Variants in KPNA3 observed in about 807,000 individuals in gnomAD.
The protein encoded by KPNA3 is karyopherin subunit alpha 3.
In KPNA3, 13 loss-of-function variants were observed where a neutral mutation model predicts 73.8. That is an observed-to-expected ratio of 0.18 (90% confidence interval 0.11 to 0.28). KPNA3 has a LOEUF of 0.28. KPNA3 is among the 10% of genes least tolerant of loss of function. The probability of loss-of-function intolerance (pLI) is 1.00; values close to 1 mark genes in which losing one functional copy is unlikely to be tolerated. For synonymous variants in KPNA3, 186 were observed against 206.9 expected, an observed-to-expected ratio of 0.90 and a Z score of 0.87; for missense variants, 360 against 618.1, an observed-to-expected ratio of 0.58 and a Z score of 4.43.
At chr13:49,724,702 T>A (rs1954393592) in intron 7 of KPNA3, among the ~76,000 whole-genome samples, 1 of 152,120 alleles carries the variant, frequency 6.6e-6, no homozygotes, top group South Asian at 2.1e-4. Context: ...GCTCAAGCGA[T>A]CCTCTCGCCT....
At position 49,699,408 on chromosome 13, in the gene KPNA3, G is replaced by C. The variant is rs1283133773; in HGVS notation, c.*2392C>G. 2 of 152,338 alleles carry C rather than the reference G, an allele frequency of 1.3e-5. No individual in the cohort carries two copies. The highest frequency in any genetic ancestry group is 2.9e-5 in the Non-Finnish European group (2 of 68,000). The allele number at this position is 152,338 out of a possible 1,614,324, so 9.4% of individuals were successfully genotyped here. On this transcript the variant is annotated 3_prime_UTR_variant, in exon 17 of 17. Transcript: ENST00000261667. Reference sequence around the variant, plus strand: ...AGGAACACATTTAGATGCCTCTTTTGAAAGAACGTTTTAGTCTTTTTAAAC... The same window carrying C: ...AGGAACACATTTAGATGCCTCTTTTCAAAGAACGTTTTAGTCTTTTTAAAC...
At chr13:49,746,446 C>G (rs1158118877) in intron 2 of KPNA3, among the ~76,000 whole-genome samples, 2 of 151,980 alleles carry the variant, frequency 1.3e-5, no homozygotes, top group African/African-American at 4.8e-5. Context: ...CCACTTCACT[C>G]CAACCTGGAC....
intron 1 of KPNA3, among the ~76,000 whole-genome samples, chr13:49,768,607 T>G (rs1954828768): frequency 6.9e-6 from 1 of 144,086 alleles, no homozygotes; most frequent in African/African-American, 2.6e-5. Context: ...AGCATTCCAT[T>G]AGATATTCCT....
chr13:49,753,026 CAAAAAAAAAA>C (rs71078888), intron 1 of KPNA3, among the ~76,000 whole-genome samples: 4 of 82,204 alleles, frequency 4.9e-5, no homozygotes, highest in Non-Finnish European at 9.0e-5. Flanking sequence ...GACTCTGTCT[CAAAAAAAAAA>C]AAAAAAAAAA....
At chr13:49,781,740 TTC>T (rs1334319189) in intron 1 of KPNA3, among the ~76,000 whole-genome samples, 17 of 152,198 alleles carry the variant, frequency 1.1e-4, no homozygotes, top group African/African-American at 4.1e-4. Flanking sequence ...GTCCAGGACT[TTC>T]TCTGTTTGAA....
At chr13:49,705,939 A>G (rs1211015984) in intron 14 of KPNA3, among the ~76,000 whole-genome samples, 156 bp from the exon 15 acceptor site, 2 of 152,190 alleles carry the variant, frequency 1.3e-5, no homozygotes, top group Admixed American at 6.6e-5. Context: ...TAGCAACTGC[A>G]CTCTAGCCTG....
At chr13:49,764,818 C>T (rs535430780) in intron 1 of KPNA3, among the ~76,000 whole-genome samples, 2 of 151,938 alleles carry the variant, frequency 1.3e-5, no homozygotes, top group African/African-American at 4.8e-5. Flanking sequence ...TTCTCTTTTG[C>T]CAAAATTTTT....
chr13:49,730,312 C>G (rs1183283189), intron 6 of KPNA3, among the ~76,000 whole-genome samples: 1 of 151,818 alleles, frequency 6.6e-6, no homozygotes, highest in Non-Finnish European at 1.5e-5. Context: ...GCAGGAGGAT[C>G]ACCTGATGTC....
intron 6 of KPNA3, among the ~76,000 whole-genome samples, chr13:49,728,529 G>T (rs1954432786): frequency 1.3e-5 from 2 of 152,156 alleles, no homozygotes; most frequent in South Asian, 4.1e-4. Context: ...AAACCAGAGG[G>T]ATCAAGATCC....
At chr13:49,766,412 A>G (rs1191670574) in intron 1 of KPNA3, among the ~76,000 whole-genome samples, 1 of 152,314 alleles carries the variant, frequency 6.6e-6, no homozygotes, top group South Asian at 2.1e-4. Flanking sequence ...CTTAGGAGAC[A>G]TAAGACTGAC....
chr13:49,790,538 T>C (rs1955024450), intron 1 of KPNA3, among the ~76,000 whole-genome samples: 1 of 152,218 alleles, frequency 6.6e-6, no homozygotes, highest in Non-Finnish European at 1.5e-5. Flanking sequence ...TTAAATAAGG[T>C]ATCATGAAGC....
At chr13:49,732,814 T>C in intron 3 of KPNA3, 38 bp from the exon 4 acceptor site, 1 of 1,481,632 alleles carries the variant, frequency 6.7e-7, no homozygotes, top group Non-Finnish European at 9.3e-7. Flanking sequence ...CAGAGTTTAT[T>C]AACAAAATTA....
intron 6 of KPNA3, among the ~76,000 whole-genome samples, chr13:49,727,191 T>C (rs776666219): frequency 3.9e-5 from 6 of 152,216 alleles, no homozygotes; most frequent in Admixed American, 6.5e-5. Flanking sequence ...TTCACACCTG[T>C]AACCCCAGCA....
Position 49,717,842 on chromosome 13 carries a change from G to A in KPNA3, c.771+1933C>T, listed in dbSNP as rs1473273027. ...CCACTTCTGTCTCCTTATAATGCTC[G>A]TCTCAAATGTTACTTTGTCAACGAA... is the stretch of plus-strand genomic sequence containing the variant. On this transcript the variant is annotated intron_variant, in intron 10 of 16. Transcript: ENST00000261667. Among the ~76,000 whole-genome samples, 3 of 152,160 alleles carry A rather than the reference G, an allele frequency of 2.0e-5. No homozygotes were observed. In the East Asian group the frequency reaches 5.8e-4, roughly 29 times the overall value.
intron 1 of KPNA3, among the ~76,000 whole-genome samples, chr13:49,775,776 CATTTTT>C (rs1791074892): frequency 6.6e-6 from 1 of 152,144 alleles, no homozygotes; most frequent in Non-Finnish European, 1.5e-5. Context: ...TTGTTTCATT[CATTTTT>C]ATTTCCTTCT....
At chr13:49,774,094 G>A (rs1392472786) in intron 1 of KPNA3, among the ~76,000 whole-genome samples, 1 of 151,256 alleles carries the variant, frequency 6.6e-6, no homozygotes, top group Non-Finnish European at 1.5e-5. Context: ...TTTAAGGGAT[G>A]GGGTTCTGCC....
intron 6 of KPNA3, 99 bp from the exon 7 acceptor site, chr13:49,725,600 T>A: frequency 1.4e-6 from 1 of 705,896 alleles, no homozygotes; most frequent in South Asian, 2.3e-5. Flanking sequence ...TGCCTTGTCC[T>A]TGAATTTCAC....
At chr13:49,791,438 C>T (rs987798755) in intron 1 of KPNA3, among the ~76,000 whole-genome samples, 1 of 152,122 alleles carries the variant, frequency 6.6e-6, no homozygotes, top group African/African-American at 2.4e-5. Context: ...CTCAATAAGC[C>T]GAGTTTGCAA....
chr13:49,712,421 G>A (rs1351480875), intron 10 of KPNA3, among the ~76,000 whole-genome samples: 1 of 150,334 alleles, frequency 6.7e-6, no homozygotes, highest in African/African-American at 2.5e-5. Context: ...AAAAAAACCC[G>A]ACATGATAGA....
Sources: allele counts gnomAD v4.1 joint callset (sites outside exome capture counted in the v4.1 genomes callset), GRCh38; gene constraint gnomAD v4.1.1; transcripts MANE v1.5; gene names NCBI Gene and HGNC (gene_info 2026-07-23, HGNC 2026-07-21).